The following MLLT3 variants were observed in gnomAD, a reference collection of about 807,000 sequenced individuals.
MLLT3 encodes the protein MLLT3 super elongation complex subunit.
MLLT3 carries 4 observed loss-of-function variants against 53.2 expected under a neutral mutation model. The ratio of observed to expected loss-of-function variants is 0.08; its 90% CI spans 0.04 to 0.17. The LOEUF is 0.17. MLLT3 is among the 10% of genes least tolerant of loss of function. The pLI is 1.00. For synonymous variants in MLLT3, 283 were observed against 230.6 expected, an observed-to-expected ratio of 1.23 and a Z score of -2.06; for missense variants, 569 against 684.0, an observed-to-expected ratio of 0.83 and a Z score of 1.87.
At chr9:20,489,897 T>G (rs1389413605) in intron 2 of MLLT3, among the ~76,000 whole-genome samples, 3 of 152,140 alleles carry the variant, frequency 2.0e-5, no homozygotes, top group African/African-American at 4.8e-5. Flanking sequence ...CTGTAATACT[T>G]TTTCTGAGTC....
intron 7 of MLLT3, chr9:20,362,628 A>G (rs1009596445): frequency 3.3e-5 from 5 of 150,724 alleles, no homozygotes; most frequent in African/African-American, 1.2e-4. Context: ...TGGGGCACAC[A>G]CCCTGAGGAG....
chr9:20,593,200 C>T (rs776297593), intron 2 of MLLT3, among the ~76,000 whole-genome samples: 1 of 152,142 alleles, frequency 6.6e-6, no homozygotes. Flanking sequence ...TGGCCATAAA[C>T]GTCTGACTCA....
At chr9:20,373,505 T>C (rs769266989) in intron 5 of MLLT3, among the ~76,000 whole-genome samples, 5 of 152,240 alleles carry the variant, frequency 3.3e-5, no homozygotes, top group Non-Finnish European at 7.3e-5. Context: ...ACTAAGAGCA[T>C]ACTTCCTCTT....
At chr9:20,539,595 C>T (rs952087842) in intron 2 of MLLT3, among the ~76,000 whole-genome samples, 15 of 152,142 alleles carry the variant, frequency 9.9e-5, no homozygotes, top group African/African-American at 3.6e-4. Flanking sequence ...CTCACTATCA[C>T]AGGAATAACA....
chr9:20,446,664 T>C (rs1823710135), intron 4 of MLLT3, among the ~76,000 whole-genome samples: 1 of 152,204 alleles, frequency 6.6e-6, no homozygotes, highest in Admixed American at 6.6e-5. Flanking sequence ...AAAATGAGAT[T>C]GATTAGGATT....
At chr9:20,524,657 G>A (rs1818153370) in intron 2 of MLLT3, among the ~76,000 whole-genome samples, 1 of 152,038 alleles carries the variant, frequency 6.6e-6, no homozygotes, top group Admixed American at 6.5e-5. Flanking sequence ...GTGGCACAGG[G>A]TAGCTGTCAT....
At chr9:20,425,118 G>T (rs1182804193) in intron 4 of MLLT3, among the ~76,000 whole-genome samples, 1 of 152,126 alleles carries the variant, frequency 6.6e-6, no homozygotes, top group Non-Finnish European at 1.5e-5. Flanking sequence ...AGAATCAAGG[G>T]ACATTGTCCA....
chr9:20,578,789 T>C (rs1242859810), intron 2 of MLLT3, among the ~76,000 whole-genome samples: 1 of 152,148 alleles, frequency 6.6e-6, no homozygotes, highest in Non-Finnish European at 1.5e-5. Flanking sequence ...GTAGATATTT[T>C]ATGAAATCTA....
intron 5 of MLLT3, among the ~76,000 whole-genome samples, chr9:20,406,139 G>A: frequency 6.6e-6 from 1 of 151,994 alleles, no homozygotes; most frequent in South Asian, 2.1e-4. Flanking sequence ...AGAAAAAAAA[G>A]CCTTCTCCTG....
At chr9:20,586,835 A>G (rs2131180741) in intron 2 of MLLT3, among the ~76,000 whole-genome samples, 1 of 152,342 alleles carries the variant, frequency 6.6e-6, no homozygotes, top group African/African-American at 2.4e-5. Flanking sequence ...GAGAAAAAAG[A>G]GCAAAAATAA....
At chr9:20,569,393 T>G (rs935251125) in intron 2 of MLLT3, among the ~76,000 whole-genome samples, 1 of 152,120 alleles carries the variant, frequency 6.6e-6, no homozygotes, top group Admixed American at 6.6e-5. Context: ...TACCCAATGT[T>G]GTACCTTGAA....
In MLLT3 at chr9:20,596,882, G is replaced by A. The variant is rs773529658; in HGVS notation, c.193+23772C>T. 3.3e-5 allele frequency among the ~76,000 whole-genome samples: 5 copies of A among 152,210 alleles called. No homozygotes were observed. The East Asian group carries it at 9.7e-4, about 29-fold the overall frequency. Reference sequence around the variant, plus strand: ...GTATGTAACCTGAAGCAATTTGGGGGAGTATTGCCATCGTAATATTAAGTC... The same window carrying A: ...GTATGTAACCTGAAGCAATTTGGGGAAGTATTGCCATCGTAATATTAAGTC... On this transcript the variant is annotated intron_variant, in intron 2 of 10. Coordinates refer to ENST00000380338, the MANE Select transcript of MLLT3 (RefSeq NM_004529.4).
chr9:20,506,077 CTCT>C (rs1825372913), intron 2 of MLLT3, among the ~76,000 whole-genome samples: 1 of 123,810 alleles, frequency 8.1e-6, no homozygotes, highest in Non-Finnish European at 1.8e-5. Flanking sequence ...CTTTTTTTCT[CTCT>C]TTTTTTTTTT....
chr9:20,354,863 C>A lies in MLLT3; in HGVS notation c.1448G>T (p.Ser483Ile). 1 of 1,612,280 alleles carries A rather than the reference C, an allele frequency of 6.2e-7. No individual in the cohort carries two copies. Among genetic ancestry groups the A allele is most frequent in the Non-Finnish European group, 8.5e-7 (1 of 1,178,598 alleles). Residue 483 changes from serine to isoleucine, a missense_variant, in exon 9 of 11, where the codon AGT (serine) becomes ATT (isoleucine). Transcript: ENST00000380338. ...ATCTGATTTGCTTTGCTTTATTGGA[C>A]TTTTCACTTCAAGAATCTAGGGATC... Reference protein sequence around the residue: ...TNNNQILEVKSPIKQSKSDKQ... With the variant: ...TNNNQILEVKIPIKQSKSDKQ...
intron 10 of MLLT3, among the ~76,000 whole-genome samples, 168 bp downstream of exon 10, chr9:20,353,357 T>C (rs542761678): frequency 1.3e-5 from 2 of 152,316 alleles, no homozygotes; most frequent in South Asian, 2.1e-4. Context: ...AGAGCAGACT[T>C]CTAGGTGGCC....
At position 20,448,848 on chromosome 9, in the gene MLLT3, C is replaced by A. The variant is rs919761199; in HGVS notation, c.277-582G>T. On this transcript the variant is annotated intron_variant, in intron 3 of 10. Coordinates refer to ENST00000380338, the MANE Select transcript of MLLT3 (RefSeq NM_004529.4). The surrounding 1 kb of genome is among the most constrained non-coding windows in gnomAD (Gnocchi z 4.0). ...AAAAATCCTAATCTCACTTGAATGT[C>A]ACATAAGGGCCTTCATAATCTGGCT... Among the ~76,000 whole-genome samples the A allele has an allele frequency of 4.6e-5, 7 of 152,186 alleles. No homozygotes were observed. The highest frequency in any genetic ancestry group is 1.4e-4 in the African/African-American group (6 of 41,446).
chr9:20,546,440 G>T (rs1274444476), intron 2 of MLLT3, among the ~76,000 whole-genome samples: 1 of 152,000 alleles, frequency 6.6e-6, no homozygotes, highest in African/African-American at 2.4e-5. Flanking sequence ...CTACTCAGGA[G>T]ACCAAGGCAG....
chr9:20,390,887 AAT>A (rs1822162548), intron 5 of MLLT3, among the ~76,000 whole-genome samples: 1 of 152,188 alleles, frequency 6.6e-6, no homozygotes. Context: ...CGGAAGTGAA[AAT>A]ATCACTTGAA....
rs553962261 is a variant in MLLT3 at position 20,514,366 on chromosome 9, C to T, written c.194-57580G>A. Among the ~76,000 whole-genome samples the T allele has an allele frequency of 3.3e-5, 5 of 152,210 alleles. No homozygotes were observed. In the South Asian group the frequency reaches 6.2e-4, roughly 19 times the overall value. On this transcript the variant is annotated intron_variant, in intron 2 of 10. Transcript: ENST00000380338. The stretch of plus-strand genomic sequence containing the variant: ...GGGTGATATCATCTGGGATGTGAGA[C>T]TGGGGTATGGCTTTTTAAGTGACTG...
Sources: gnomAD v4.1 joint callset for allele counts (sites outside exome capture counted in the v4.1 genomes callset) on GRCh38, gnomAD v4.1.1 for gene constraint, Gnocchi (gnomAD v3.1) non-coding constraint, MANE v1.5 for transcripts, NCBI Gene and HGNC (gene_info 2026-07-23, HGNC 2026-07-21) for gene names.